DNAJA3: variants seen among roughly 807,000 people sequenced by gnomAD.
The protein encoded by DNAJA3 is dnaJ homolog subfamily A member 3, mitochondrial.
In DNAJA3, 29 loss-of-function variants were observed where a neutral mutation model predicts 54.9. That is an observed-to-expected ratio of 0.53 (90% CI 0.39 to 0.72). DNAJA3 has a LOEUF of 0.72. DNAJA3 is among the 30% of genes least tolerant of loss of function. The pLI is 0.00. For missense variants in DNAJA3, 708 were observed against 639.4 expected (o/e 1.11, Z -1.16); for synonymous variants, 302 against 251.4 (o/e 1.20, Z -1.90).
At chr16:4,449,119 C>T (rs959265440) in intron 9 of DNAJA3, among the ~76,000 whole-genome samples, 2 of 152,164 alleles carry the variant, frequency 1.3e-5, no homozygotes, top group African/African-American at 4.8e-5. Flanking sequence ...GCCTCAGCCT[C>T]CCGAGTAGCT....
chr16:4,446,805 C>T (rs1285712311), intron 7 of DNAJA3, 81 bp from the exon 8 acceptor site: 7 of 1,563,528 alleles, frequency 4.5e-6, no homozygotes, highest in East Asian at 2.2e-5. Flanking sequence ...CAGGTCTGAG[C>T]TTGGGCCTGG....
chr16:4,444,345 C>CT (rs1290640054), intron 6 of DNAJA3, among the ~76,000 whole-genome samples: 9,480 of 137,392 alleles, frequency 0.069, 404 homozygotes, highest in Middle Eastern at 0.1. Context: ...TTTTTCTTTT[C>CT]TTTTTTTTTT....
At chr16:4,439,125 CAGG>C (rs1047962773) in intron 3 of DNAJA3, among the ~76,000 whole-genome samples, 3 of 151,408 alleles carry the variant, frequency 2.0e-5, no homozygotes, top group Non-Finnish European at 4.4e-5. Flanking sequence ...ACAGGCAGAT[CAGG>C]AGGTCAGGAG....
intron 3 of DNAJA3, among the ~76,000 whole-genome samples, chr16:4,438,671 C>G (rs2056803071): frequency 8.5e-6 from 1 of 116,996 alleles, no homozygotes; most frequent in African/African-American, 3.4e-5. Context: ...GAGACAGGGT[C>G]CCTCTATGTT....
chr16:4,432,580 G>A (rs1054897979), intron 1 of DNAJA3, among the ~76,000 whole-genome samples: 9 of 151,928 alleles, frequency 5.9e-5, no homozygotes, highest in Admixed American at 5.9e-4. Context: ...GACCTCAGGT[G>A]ATCCGCCCGC....
chr16:4,438,460 G>A (rs2056799332), intron 3 of DNAJA3, among the ~76,000 whole-genome samples: 1 of 151,940 alleles, frequency 6.6e-6, no homozygotes, highest in South Asian at 2.1e-4. Context: ...TCCACCTCAG[G>A]GCATCACTGC....
rs752213766 is a variant in DNAJA3, at chr16:4,443,036, C to G, written c.803C>G (p.Pro268Arg). 6 of 1,614,100 alleles carry G rather than the reference C, an allele frequency of 3.7e-6. No individual in the cohort carries two copies. Among genetic ancestry groups the G allele is most frequent in the Middle Eastern group, 1.6e-4 (1 of 6,062 alleles). ...TATCAGGAAACCATCAACACAGGCC[C>G]TTTTGTGATGCGTTCCACGTGTAGG... ...GSGMETINTGPFVMRSTCRRC... is the reference protein window; with the variant it reads ...GSGMETINTGRFVMRSTCRRC... The change falls in exon 6 of 12, where the codon CCT (proline) becomes CGT (arginine). Residue 268 changes from proline (P) to arginine (R), a missense_variant. Transcript: ENST00000262375.
intron 8 of DNAJA3, chr16:4,447,333 GT>G: frequency 1.5e-5 from 4 of 274,278 alleles, no homozygotes; most frequent in Non-Finnish European, 2.8e-5. Flanking sequence ...TCTGTCCAGT[GT>G]CTGGCTCCAA....
intron 11 of DNAJA3, 185 bp from the exon 12 acceptor site, chr16:4,455,361 A>C (rs543256845): frequency 3.0e-6 from 2 of 657,414 alleles, no homozygotes; most frequent in African/African-American, 3.6e-5. Flanking sequence ...GGGCTGCTCC[A>C]GGGGTAGCGC....
intron 3 of DNAJA3, 176 bp downstream of exon 3, chr16:4,437,661 G>A (rs533517180): frequency 1.5e-5 from 9 of 590,152 alleles, no homozygotes; most frequent in African/African-American, 9.3e-5. Context: ...GCCAAGCATG[G>A]TGGCTCACTC....
chr16:4,443,678 C>T (rs1450123478), intron 6 of DNAJA3, among the ~76,000 whole-genome samples: 2 of 133,020 alleles, frequency 1.5e-5, no homozygotes, highest in Non-Finnish European at 3.3e-5. Flanking sequence ...TCACACCCTC[C>T]TCCCTGTTCT....
chr16:4,443,074 C>T lies in DNAJA3; in HGVS notation c.841C>T (p.Arg281Cys), dbSNP rs780017850. 37 of 1,613,982 alleles carry T rather than the reference C, an allele frequency of 2.3e-5. No individual in the cohort carries two copies. The highest frequency in any genetic ancestry group is 8.8e-5 in the South Asian group (8 of 91,074). The change falls in exon 6 of 12, where the codon CGC (arginine) becomes TGC (cysteine). Residue 281 changes from arginine (R) to cysteine (C), a missense_variant. Arg to Cys is a radical substitution (Grantham distance 180). Coordinates refer to ENST00000262375, the MANE Select transcript of DNAJA3 (RefSeq NM_005147.6). ...MRSTCRRCGG[R>C]GSIIISPCVV... ...TTCCACGTGTAGGAGATGTGGTGGC[C>T]GCGGCTCCATCATCATATCGCCCTG...
intron 1 of DNAJA3, among the ~76,000 whole-genome samples, chr16:4,432,242 C>G (rs560369176): frequency 2.0e-5 from 3 of 150,642 alleles, no homozygotes; most frequent in African/African-American, 7.3e-5. Flanking sequence ...AGGCTGGTTT[C>G]GAACTCCTGG....
rs1027801240 is a variant in DNAJA3 at position 4,455,928 on chromosome 16, G to A, written c.*396G>A. On this transcript the variant is annotated 3_prime_UTR_variant, in exon 12 of 12. Transcript: ENST00000262375. ...GAAGCCTTAAGCTGCATCAAGTTAC[G>A]AAGTGATTAATTTCCTTCTCAGCAA... 4 of 339,494 alleles carry A rather than the reference G, an allele frequency of 1.2e-5. No individual in the cohort carries two copies. Among genetic ancestry groups the A allele is most frequent in the South Asian group, 6.8e-5 (1 of 14,634 alleles). The allele number at this position is 339,494 out of a possible 1,614,324, so 21.0% of individuals were successfully genotyped here. A position where few individuals can be genotyped will look rare whatever the true frequency, so the allele number is the denominator to read the frequency against.
intron 1 of DNAJA3, among the ~76,000 whole-genome samples, chr16:4,432,882 C>T (rs1023722913): frequency 6.6e-6 from 1 of 151,714 alleles, no homozygotes; most frequent in African/African-American, 2.4e-5. Context: ...TGGCTCACGC[C>T]GGTAATCCCA....
At chr16:4,439,542 C>T (rs1018518755) in intron 3 of DNAJA3, among the ~76,000 whole-genome samples, 4 of 151,816 alleles carry the variant, frequency 2.6e-5, no homozygotes, top group South Asian at 2.1e-4. Context: ...TTTAATGGGG[C>T]GGGGGGGTGT....
At chr16:4,432,628 C>T (rs573835559) in intron 1 of DNAJA3, among the ~76,000 whole-genome samples, 99 of 152,222 alleles carry the variant, frequency 6.5e-4, no homozygotes, top group African/African-American at 2.0e-3. Context: ...AGGCAGGAGC[C>T]ACCATACCCG....
rs184838551 is a variant in DNAJA3 at position 4,435,862 on chromosome 16, T to C, written c.345+1345T>C. On this transcript the variant is annotated intron_variant, in intron 2 of 11. Transcript: ENST00000262375. ...TTAGGAGTATAGTTGCTGAGTCATA[T>C]GGTAACTGGATGTTTAACCTTTTGA... Among the ~76,000 whole-genome samples the C allele has an allele frequency of 1.0e-4, 16 of 152,384 alleles. No homozygotes were observed. In the East Asian group the frequency reaches 1.3e-3, roughly 13 times the overall value.
chr16:4,456,175 G>C lies in DNAJA3; in HGVS notation c.*643G>C, dbSNP rs1567337727. 2.6e-5 allele frequency: 4 copies of C among 153,460 alleles called. No homozygotes were observed. Among genetic ancestry groups the C allele is most frequent in the Admixed American group, 6.5e-5 (1 of 15,464 alleles). The allele number at this position is 153,460 out of a possible 1,614,324, so 9.5% of individuals were successfully genotyped here. On this transcript the variant is annotated 3_prime_UTR_variant, in exon 12 of 12. Coordinates refer to ENST00000262375, the MANE Select transcript of DNAJA3 (RefSeq NM_005147.6). ...AGAGAGTCCCTGGGGGTTCTGCTCT[G>C]ACCGTGTGGGTGGTGATCCTTGTCA...
Sources: allele counts gnomAD v4.1 joint callset (sites outside exome capture counted in the v4.1 genomes callset), GRCh38; gene constraint gnomAD v4.1.1; transcripts MANE v1.5; gene names NCBI Gene and HGNC (gene_info 2026-07-23, HGNC 2026-07-21).